INO80: variants seen among roughly 807,000 people sequenced by gnomAD.
INO80 encodes chromatin-remodeling ATPase INO80.
A neutral mutation model predicts 203.4 loss-of-function variants in INO80; 20 were observed. That is an observed-to-expected ratio of 0.10 (90% CI 0.07 to 0.14). The LOEUF (loss-of-function observed/expected upper bound fraction) is 0.14, where lower values mean the gene tolerates loss of function less well. Among genes scored for constraint, INO80 ranks in the 10% least tolerant of loss-of-function variants. The pLI is 1.00. For synonymous variants in INO80, 726 were observed against 685.2 expected (o/e 1.06, Z -0.93); for missense variants, 1,419 against 1,914.4 (o/e 0.74, Z 4.83).
At chr15:41,084,286 G>A (rs897863522) in intron 7 of INO80, among the ~76,000 whole-genome samples, 5 of 151,838 alleles carry the variant, frequency 3.3e-5, no homozygotes, top group Non-Finnish European at 5.9e-5. Context: ...TTGGCTGGGC[G>A]TGGTGGCGCA....
intron 28 of INO80, among the ~76,000 whole-genome samples, chr15:41,002,792 G>C (rs1367044370): frequency 2.6e-5 from 4 of 152,158 alleles, no homozygotes; most frequent in African/African-American, 9.7e-5. Flanking sequence ...AGTGTTAACA[G>C]AATAGTGATC....
intron 13 of INO80, 22 bp downstream of exon 13, chr15:41,070,445 T>C (rs757461936): frequency 1.1e-5 from 18 of 1,594,382 alleles, no homozygotes; most frequent in Non-Finnish European, 1.5e-5. Flanking sequence ...GAAATGAAGA[T>C]AGAAAGATTG....
intron 28 of INO80, among the ~76,000 whole-genome samples, chr15:40,999,783 A>C (rs2043932923): frequency 6.6e-6 from 1 of 152,204 alleles, no homozygotes. Flanking sequence ...CCCAAAGAAG[A>C]GTATTTAACC....
At chr15:41,021,269 G>A (rs1037624407) in intron 25 of INO80, 144 bp from the exon 26 acceptor site, 1 of 592,782 alleles carries the variant, frequency 1.7e-6, no homozygotes, top group Non-Finnish European at 3.0e-6. Flanking sequence ...ACACTAAGCT[G>A]TCCCTAATGA....
At chr15:41,010,048 C>T (rs1369347645) in intron 27 of INO80, among the ~76,000 whole-genome samples, 2 of 152,232 alleles carry the variant, frequency 1.3e-5, no homozygotes, top group Non-Finnish European at 2.9e-5. Context: ...TCCTCTAACA[C>T]ATCCCATCAG....
At chr15:40,996,623 C>T (rs2043885353) in intron 29 of INO80, among the ~76,000 whole-genome samples, 1 of 152,174 alleles carries the variant, frequency 6.6e-6, no homozygotes. Flanking sequence ...CACGCCCAGC[C>T]AGGAATCCTC....
intron 31 of INO80, among the ~76,000 whole-genome samples, chr15:40,986,202 AAG>A (rs2043730340): frequency 6.6e-6 from 1 of 152,170 alleles, no homozygotes; most frequent in Non-Finnish European, 1.5e-5. Context: ...TTCTGGGCAG[AAG>A]AGCAAATTCA....
rs1321173153 is a variant in INO80, at chr15:40,980,003, A to G, written c.*220T>C. The G allele has an allele frequency of 3.4e-6, 2 of 580,986 alleles. No homozygotes were observed. The highest frequency in any genetic ancestry group is 6.2e-6 in the Non-Finnish European group (2 of 325,044). 36.0% of individuals were successfully genotyped at this position (580,986 alleles called of 1,614,324 possible). A position where few individuals can be genotyped will look rare whatever the true frequency, so the allele number is the denominator to read the frequency against. ...ACTTGAGATGCAGTGGGGCTGATCC[A>G]TGCCCTGTGGCCTTCCTCCTACAGG... On this transcript the variant is annotated 3_prime_UTR_variant, in exon 36 of 36. Coordinates refer to ENST00000648947, the MANE Select transcript of INO80 (RefSeq NM_017553.3).
At chr15:41,069,186 C>A (rs143995446) in intron 14 of INO80, among the ~76,000 whole-genome samples, 2 of 152,010 alleles carry the variant, frequency 1.3e-5, no homozygotes, top group Non-Finnish European at 1.5e-5. Context: ...TGGAGTGCAG[C>A]GGCACATTCT....
chr15:41,101,554 T>TC (rs1167057414), intron 1 of INO80, among the ~76,000 whole-genome samples: 2 of 150,804 alleles, frequency 1.3e-5, no homozygotes, highest in Non-Finnish European at 3.0e-5. Flanking sequence ...TTTGTAACTT[T>TC]TTTTTTTTTT....
intron 20 of INO80, 116 bp downstream of exon 20, chr15:41,049,819 G>C (rs1484141581): frequency 3.3e-6 from 3 of 905,326 alleles, no homozygotes; most frequent in Non-Finnish European, 5.1e-6. Context: ...CTGGGAGCCA[G>C]AGGTTGCAGT....
chr15:41,037,206 T>G (rs986930314), intron 24 of INO80, among the ~76,000 whole-genome samples: 1 of 152,032 alleles, frequency 6.6e-6, no homozygotes, highest in Non-Finnish European at 1.5e-5. Flanking sequence ...GGACTTTTTT[T>G]TTTTTTAATG....
chr15:41,035,821 C>CA (rs71104768), intron 24 of INO80, among the ~76,000 whole-genome samples: 11,995 of 20,144 alleles, frequency 0.6, 5,495 homozygotes, highest in South Asian at 0.69. Flanking sequence ...GACTCTGTCT[C>CA]AAAAAAAAAA....
At chr15:41,046,876 C>T (rs1238866232) in intron 23 of INO80, among the ~76,000 whole-genome samples, 2 of 152,154 alleles carry the variant, frequency 1.3e-5, no homozygotes, top group African/African-American at 4.8e-5. Flanking sequence ...CCTTGGCCTC[C>T]CAAAGTGCTG....
chr15:41,044,696 T>TAA (rs55973341), intron 24 of INO80, among the ~76,000 whole-genome samples: 66 of 151,798 alleles, frequency 4.3e-4, no homozygotes, highest in Non-Finnish European at 5.9e-4. Flanking sequence ...CACAGTATTG[T>TAA]AAAAAAAACA....
intron 9 of INO80, among the ~76,000 whole-genome samples, chr15:41,076,842 C>A (rs747452883): frequency 1.3e-5 from 2 of 151,946 alleles, no homozygotes; most frequent in Admixed American, 6.6e-5. Context: ...AAACATAATC[C>A]AAAATACCAA....
intron 28 of INO80, among the ~76,000 whole-genome samples, chr15:40,998,815 C>G (rs1428228682): frequency 6.6e-6 from 1 of 152,090 alleles, no homozygotes; most frequent in Non-Finnish European, 1.5e-5. Context: ...GTGCCCACCA[C>G]CATGCCTGGC....
chr15:41,088,824 G>C (rs2045595974), intron 5 of INO80, among the ~76,000 whole-genome samples: 1 of 152,128 alleles, frequency 6.6e-6, no homozygotes, highest in African/African-American at 2.4e-5. Flanking sequence ...CATGCACTGA[G>C]CTGTACACTT....
intron 29 of INO80, among the ~76,000 whole-genome samples, chr15:40,988,285 T>G (rs772030280): frequency 1.3e-5 from 2 of 152,226 alleles, no homozygotes; most frequent in Non-Finnish European, 2.9e-5. Context: ...TGCATTGTTC[T>G]AAGTGCATTA....
Sources: allele counts gnomAD v4.1 joint callset (sites outside exome capture counted in the v4.1 genomes callset), GRCh38; gene constraint gnomAD v4.1.1; transcripts MANE v1.5; gene names NCBI Gene and HGNC (gene_info 2026-07-23, HGNC 2026-07-21).